The following ARHGEF3 variants were observed in gnomAD, a reference collection of about 807,000 sequenced individuals.
ARHGEF3 encodes 59.8 kDA protein.
In ARHGEF3, 28 loss-of-function variants were observed where a neutral mutation model predicts 63.2. The ratio of observed to expected loss-of-function variants is 0.44; its 90% CI spans 0.33 to 0.61. ARHGEF3 has a LOEUF of 0.61. Among genes scored for constraint, ARHGEF3 ranks in the 20% least tolerant of loss-of-function variants. The pLI is 0.03. For synonymous variants in ARHGEF3, 266 were observed against 254.2 expected (o/e 1.05, Z -0.44); for missense variants, 533 against 659.3 (o/e 0.81, Z 2.10).
intron 1 of ARHGEF3, among the ~76,000 whole-genome samples, chr3:56,798,537 GTTTT>G (rs368922829): frequency 1.1e-4 from 15 of 139,266 alleles, no homozygotes; most frequent in African/African-American, 3.9e-4. Flanking sequence ...TCTTTACTTC[GTTTT>G]TTTTTTTTTT....
intron 3 of ARHGEF3, among the ~76,000 whole-genome samples, chr3:56,915,741 A>T (rs373238445): frequency 4.6e-5 from 7 of 152,248 alleles, no homozygotes; most frequent in East Asian, 3.9e-4. Context: ...GACTCAAAAC[A>T]CCAGGATCAC....
At chr3:56,794,256 G>T (rs535978255) in intron 1 of ARHGEF3, among the ~76,000 whole-genome samples, 5 of 152,102 alleles carry the variant, frequency 3.3e-5, no homozygotes, top group Admixed American at 2.6e-4. Flanking sequence ...GGGAGGCCGA[G>T]GGGGGTGGAT....
chr3:56,790,808 T>C (rs1332167977), intron 1 of ARHGEF3, among the ~76,000 whole-genome samples: 1 of 152,190 alleles, frequency 6.6e-6, no homozygotes, highest in African/African-American at 2.4e-5. Context: ...TCCATCTCTT[T>C]CTGCCACTAG....
At chr3:57,077,367 T>TG (rs958353774) in intron 1 of ARHGEF3, among the ~76,000 whole-genome samples, 4 of 152,284 alleles carry the variant, frequency 2.6e-5, no homozygotes, top group African/African-American at 9.6e-5. Flanking sequence ...TCCACTTTTC[T>TG]GGGGCACAGG....
intron 7 of ARHGEF3, among the ~76,000 whole-genome samples, chr3:56,738,567 G>A (rs1318628810): frequency 6.6e-6 from 1 of 152,196 alleles, no homozygotes; most frequent in Non-Finnish European, 1.5e-5. Context: ...GGGATGGTCT[G>A]TATAAATACA....
At chr3:56,930,809 C>T (rs189565000) in intron 3 of ARHGEF3, among the ~76,000 whole-genome samples, 1 of 152,114 alleles carries the variant, frequency 6.6e-6, no homozygotes, top group Non-Finnish European at 1.5e-5. Context: ...ATGTTCAATA[C>T]CACGCTCCAT....
At chr3:56,896,116 A>T (rs567288953) in intron 3 of ARHGEF3, among the ~76,000 whole-genome samples, 2 of 152,178 alleles carry the variant, frequency 1.3e-5, no homozygotes, top group African/African-American at 2.4e-5. Flanking sequence ...TTTCTTGGGG[A>T]GGGCAGAGTG....
chr3:56,833,026 T>A (rs78665962), intron 4 of ARHGEF3, among the ~76,000 whole-genome samples: 1 of 152,240 alleles, frequency 6.6e-6, no homozygotes, highest in Admixed American at 6.5e-5. Context: ...CATTCCTCAA[T>A]TGATGGAATA....
chr3:56,793,778 G>A lies in ARHGEF3; in HGVS notation c.96+7925C>T, dbSNP rs991936068. On this transcript the variant is annotated intron_variant, in intron 1 of 9. Transcript: ENST00000296315. The stretch of plus-strand genomic sequence containing the variant: ...GGCTTATTTGTCAATGAATATCTTA[G>A]GGTATTTTTTAAATATCTGTATAAA... Among the ~76,000 whole-genome samples, 29 of 152,168 alleles carry A rather than the reference G, an allele frequency of 1.9e-4. 1 individual carries two copies. Among genetic ancestry groups the A allele is most frequent in the Non-Finnish European group, 1.5e-4 (10 of 68,008 alleles).
chr3:56,773,597 A>T, intron 2 of ARHGEF3, 112 bp downstream of exon 2: 1 of 888,024 alleles, frequency 1.1e-6, no homozygotes, highest in Non-Finnish European at 1.7e-6. Flanking sequence ...CTATTGAAAT[A>T]AGCATTGATT....
intron 1 of ARHGEF3, among the ~76,000 whole-genome samples, chr3:56,797,884 A>T (rs1292689427): frequency 6.6e-6 from 1 of 152,148 alleles, no homozygotes; most frequent in African/African-American, 2.4e-5. Flanking sequence ...AAAGGTAAAC[A>T]CCCTTAGGTG....
At chr3:56,858,135 T>G (rs1341776572) in intron 4 of ARHGEF3, among the ~76,000 whole-genome samples, 1 of 150,066 alleles carries the variant, frequency 6.7e-6, no homozygotes, top group African/African-American at 2.5e-5. Context: ...TCCCGGCTAC[T>G]CAGGAGGCTG....
chr3:56,989,292 GTTTT>G (rs61705818), intron 2 of ARHGEF3, among the ~76,000 whole-genome samples: 3 of 148,442 alleles, frequency 2.0e-5, no homozygotes, highest in Non-Finnish European at 3.0e-5. Flanking sequence ...CCTCGCTTGC[GTTTT>G]TTTTTTGCTG....
At chr3:56,993,606 C>T (rs1442283671) in intron 2 of ARHGEF3, among the ~76,000 whole-genome samples, 1 of 151,618 alleles carries the variant, frequency 6.6e-6, no homozygotes, top group African/African-American at 2.4e-5. Flanking sequence ...TACTCCTGGG[C>T]TCAAGCAATC....
chr3:56,963,644 T>C (rs1700369159), intron 2 of ARHGEF3, among the ~76,000 whole-genome samples: 1 of 152,246 alleles, frequency 6.6e-6, no homozygotes, highest in Non-Finnish European at 1.5e-5. Context: ...TTTACCTCTC[T>C]TTATCCATCA....
At chr3:56,963,042 G>A (rs1700347097) in intron 2 of ARHGEF3, among the ~76,000 whole-genome samples, 2 of 151,944 alleles carry the variant, frequency 1.3e-5, no homozygotes, top group Non-Finnish European at 2.9e-5. Flanking sequence ...AGAACATGGT[G>A]TTTAGGGAAG....
intron 7 of ARHGEF3, among the ~76,000 whole-genome samples, chr3:56,741,428 C>G: frequency 6.6e-6 from 1 of 151,324 alleles, no homozygotes; most frequent in African/African-American, 2.4e-5. Context: ...AGGTGATCCG[C>G]CTGCCTTGGC....
chr3:56,748,080 G>C (rs930048040), intron 6 of ARHGEF3, among the ~76,000 whole-genome samples: 7 of 152,216 alleles, frequency 4.6e-5, no homozygotes, highest in African/African-American at 1.7e-4. Context: ...TTGTTGCTCA[G>C]GTGGAGAGCA....
At chr3:56,914,370 C>T (rs897881408) in intron 3 of ARHGEF3, among the ~76,000 whole-genome samples, 2 of 152,162 alleles carry the variant, frequency 1.3e-5, no homozygotes, top group Admixed American at 1.3e-4. Flanking sequence ...CAACCCAAGG[C>T]CCATCCAAGG....
Sources: gnomAD v4.1 joint callset for allele counts (sites outside exome capture counted in the v4.1 genomes callset) on GRCh38, gnomAD v4.1.1 for gene constraint, MANE v1.5 for transcripts, NCBI Gene and HGNC (gene_info 2026-07-23, HGNC 2026-07-21) for gene names.